TFCP2L1: variants seen among roughly 807,000 people sequenced by gnomAD.
TFCP2L1 encodes transcription factor CP2-like protein 1.
In TFCP2L1, 12 loss-of-function variants were observed where a neutral mutation model predicts 72.2. That is an observed-to-expected ratio of 0.17 (90% CI 0.11 to 0.27). The LOEUF (loss-of-function observed/expected upper bound fraction) is 0.27. Among genes scored for constraint, TFCP2L1 ranks in the 10% least tolerant of loss-of-function variants. TFCP2L1 has a pLI of 1.00. For missense variants in TFCP2L1, 488 were observed against 624.6 expected, an observed-to-expected ratio of 0.78 and a Z score of 2.33; for synonymous variants, 260 against 251.0, an observed-to-expected ratio of 1.04 and a Z score of -0.34.
intron 14 of TFCP2L1, among the ~76,000 whole-genome samples, chr2:121,224,917 G>A (rs1685994781): frequency 1.3e-5 from 2 of 151,862 alleles, no homozygotes; most frequent in Admixed American, 1.3e-4. Flanking sequence ...CCCGGGAGGC[G>A]GAGCTTGCAG....
rs1558735947 is a variant in TFCP2L1 at position 121,249,025 on chromosome 2, C to T, written c.354G>A (p.Glu118=). The change falls in exon 4 of 15, where the codon GAG becomes GAA. Residue 118 remains glutamate (E), a synonymous_variant. Transcript: ENST00000263707. The stretch of plus-strand genomic sequence containing the variant: ...CCCCTGGCCGACTCCACCGCCAGCC[C>T]TCCAGCTGCTGGTGCTCCGTATACT... ...RLQYTEHQQL[E]GWRWSRPGDR... 4 of 1,604,598 alleles carry T rather than the reference C, an allele frequency of 2.5e-6. No individual in the cohort carries two copies. Among genetic ancestry groups the T allele is most frequent in the South Asian group, 1.1e-5 (1 of 88,880 alleles).
intron 2 of TFCP2L1, among the ~76,000 whole-genome samples, chr2:121,256,425 G>GGA (rs1323531333): frequency 6.6e-6 from 1 of 151,994 alleles, no homozygotes; most frequent in Non-Finnish European, 1.5e-5. Context: ...CAATAGTGTG[G>GGA]GATAACTGGT....
intron 6 of TFCP2L1, among the ~76,000 whole-genome samples, chr2:121,246,201 C>G (rs1686477194): frequency 6.6e-6 from 1 of 152,234 alleles, no homozygotes; most frequent in Admixed American, 6.5e-5. Context: ...TCCCTGAGGC[C>G]ACACAGGACA....
At chr2:121,240,739 C>T (rs774663568) in intron 7 of TFCP2L1, 10 of 985,358 alleles carry the variant, frequency 1.0e-5, no homozygotes, top group Non-Finnish European at 1.2e-5. Context: ...TGGGCAGTGG[C>T]ACCAGCACAG....
chr2:121,274,424 C>T (rs772668763), intron 2 of TFCP2L1, among the ~76,000 whole-genome samples: 5 of 152,098 alleles, frequency 3.3e-5, no homozygotes, highest in African/African-American at 4.8e-5. Context: ...ACTCGATGTA[C>T]ACAAGCTTTG....
intron 2 of TFCP2L1, among the ~76,000 whole-genome samples, chr2:121,264,456 G>A (rs1364297215): frequency 1.3e-5 from 2 of 152,186 alleles, no homozygotes; most frequent in South Asian, 2.1e-4. Context: ...CTTGGGCCAC[G>A]GGCCACCTTG....
At chr2:121,243,728 C>G (rs1043386457) in intron 6 of TFCP2L1, among the ~76,000 whole-genome samples, 6 of 151,792 alleles carry the variant, frequency 4.0e-5, no homozygotes, top group Admixed American at 3.3e-4. Flanking sequence ...CTGTCCTCCC[C>G]CCGCCACCTC....
chr2:121,239,686 G>T, intron 7 of TFCP2L1, 37 bp from the exon 8 acceptor site: 1 of 1,597,428 alleles, frequency 6.3e-7, no homozygotes, highest in South Asian at 1.1e-5. Flanking sequence ...GGGATCTGGA[G>T]AGGCGCTGAG....
intron 3 of TFCP2L1, 36 bp from the exon 4 acceptor site, chr2:121,249,123 C>CG: frequency 4.1e-6 from 6 of 1,474,922 alleles, no homozygotes; most frequent in Non-Finnish European, 2.7e-6. Context: ...CAAGTGACCG[C>CG]GGGGGGCCAA....
At chr2:121,283,772 C>G (rs1422625637) in intron 1 of TFCP2L1, among the ~76,000 whole-genome samples, 1 of 152,220 alleles carries the variant, frequency 6.6e-6, no homozygotes, top group African/African-American at 2.4e-5. Context: ...TTAGCCAAAG[C>G]TACAACTAAA....
At chr2:121,276,501 C>A (rs1558747057) in intron 2 of TFCP2L1, among the ~76,000 whole-genome samples, 1 of 151,810 alleles carries the variant, frequency 6.6e-6, no homozygotes, top group Admixed American at 6.6e-5. Flanking sequence ...GGTGTGGTGG[C>A]GCACAACTGT....
At chr2:121,244,304 C>T (rs917412925) in intron 6 of TFCP2L1, among the ~76,000 whole-genome samples, 24 of 152,194 alleles carry the variant, frequency 1.6e-4, no homozygotes, top group African/African-American at 4.3e-4. Context: ...TCCCAGGGAG[C>T]GGCTCCAACA....
chr2:121,256,605 C>T (rs758996692), intron 2 of TFCP2L1, among the ~76,000 whole-genome samples: 12 of 151,884 alleles, frequency 7.9e-5, no homozygotes, highest in African/African-American at 2.2e-4. Flanking sequence ...GGTGACACCC[C>T]GTCTCTACTA....
Position 121,237,784 on chromosome 2 carries a change from C to T in TFCP2L1, c.909+18G>A. On this transcript the variant is annotated intron_variant, in intron 9 of 14. Transcript: ENST00000263707. ...CCACGAGGGACCACCAGCCAGAAAG[C>T]CCTGCTCAGACACTTACGTCACTGC... is the stretch of plus-strand genomic sequence containing the variant. 6.2e-7 allele frequency: 1 copy of T among 1,614,116 alleles called. No individual in the cohort carries two copies. Among genetic ancestry groups the T allele is most frequent in the East Asian group, 2.2e-5 (1 of 44,862 alleles).
chr2:121,234,899 G>T (rs1007071762), intron 11 of TFCP2L1, among the ~76,000 whole-genome samples: 2 of 152,190 alleles, frequency 1.3e-5, no homozygotes, highest in Non-Finnish European at 2.9e-5. Flanking sequence ...CCGAGCCCAG[G>T]ACCACACAAG....
intron 8 of TFCP2L1, 109 bp downstream of exon 8, chr2:121,239,449 A>T: frequency 8.2e-7 from 1 of 1,224,040 alleles, no homozygotes; most frequent in Non-Finnish European, 1.2e-6. Flanking sequence ...CGAGTTAGCT[A>T]CCCTGAAACC....
At chr2:121,281,749 T>C (rs1687267739) in intron 1 of TFCP2L1, among the ~76,000 whole-genome samples, 1 of 152,220 alleles carries the variant, frequency 6.6e-6, no homozygotes, top group Non-Finnish European at 1.5e-5. Flanking sequence ...CTCCAGGCTC[T>C]GTAAACTATG....
At chr2:121,233,974 G>A (rs977960655) in intron 12 of TFCP2L1, 117 bp downstream of exon 12, 12 of 892,726 alleles carry the variant, frequency 1.3e-5, no homozygotes, top group Non-Finnish European at 2.0e-5. Flanking sequence ...GTGGGCATGT[G>A]GGAGCCCAGG....
At chr2:121,240,820 T>G in intron 7 of TFCP2L1, 1 of 868,212 alleles carries the variant, frequency 1.2e-6, no homozygotes, top group African/African-American at 1.8e-5. Context: ...ATCCTGCCAC[T>G]CCTTTGCGGG....
Sources: gnomAD v4.1 joint callset for allele counts (sites outside exome capture counted in the v4.1 genomes callset) on GRCh38, gnomAD v4.1.1 for gene constraint, MANE v1.5 for transcripts, NCBI Gene and HGNC (gene_info 2026-07-23, HGNC 2026-07-21) for gene names.